Variants in TGFBR2 observed in about 807,000 individuals in gnomAD.
TGFBR2 encodes TGF-beta receptor type-2.
In TGFBR2, 18 loss-of-function variants were observed where a neutral mutation model predicts 49.0. The observed-to-expected ratio is 0.37, with a 90% CI of 0.25 to 0.54. The LOEUF (loss-of-function observed/expected upper bound fraction) is 0.54. TGFBR2 is among the 20% of genes least tolerant of loss of function. The pLI is 0.85. For missense variants in TGFBR2, 525 were observed against 722.6 expected (o/e 0.73, Z 3.13); for synonymous variants, 282 against 275.9 (o/e 1.02, Z -0.22).
intron 1 of TGFBR2, among the ~76,000 whole-genome samples, chr3:30,636,840 A>G (rs559548032): frequency 1.1e-4 from 16 of 151,966 alleles, no homozygotes; most frequent in South Asian, 6.2e-4. Flanking sequence ...CAAGGTGGGC[A>G]GATCACGAGG....
At chr3:30,627,047 A>G (rs1217664811) in intron 1 of TGFBR2, among the ~76,000 whole-genome samples, 1 of 152,150 alleles carries the variant, frequency 6.6e-6, no homozygotes, top group Admixed American at 6.5e-5. Flanking sequence ...TGATGGGAAG[A>G]TAGGAAATCC....
Position 30,650,478 on chromosome 3 carries a change from A to G in TGFBR2, c.454+18A>G. 6.2e-7 allele frequency: 1 copy of G among 1,613,506 alleles called. No homozygotes were observed. Among genetic ancestry groups the G allele is most frequent in the South Asian group, 1.1e-5 (1 of 91,050 alleles). On this transcript the variant is annotated intron_variant, in intron 3 of 6. Coordinates refer to ENST00000295754, the MANE Select transcript of TGFBR2 (RefSeq NM_003242.6). The stretch of plus-strand genomic sequence containing the variant: ...CTCAGAAGGTGAGTTTTCTTCTCTT[A>G]AGGGTGTGGGACCTGAGATCTGTGC...
chr3:30,659,926 T>C (rs1045331288), intron 3 of TGFBR2, among the ~76,000 whole-genome samples: 9 of 151,926 alleles, frequency 5.9e-5, no homozygotes, highest in Admixed American at 4.6e-4. Context: ...CACTGTGAAA[T>C]TGACTTTTAT....
chr3:30,616,248 C>G (rs111484102), intron 1 of TGFBR2, among the ~76,000 whole-genome samples: 3 of 152,276 alleles, frequency 2.0e-5, no homozygotes, highest in South Asian at 2.1e-4. Context: ...CTCCTTCCCC[C>G]CATTGCAAAC....
intron 6 of TGFBR2, among the ~76,000 whole-genome samples, chr3:30,690,080 A>G (rs1699686891): frequency 6.6e-6 from 1 of 152,136 alleles, no homozygotes; most frequent in African/African-American, 2.4e-5. Context: ...GTGTGTTTGG[A>G]AAGTTGTTGG....
intron 3 of TGFBR2, among the ~76,000 whole-genome samples, chr3:30,657,702 T>C (rs1465227534): frequency 6.6e-6 from 1 of 152,200 alleles, no homozygotes. Flanking sequence ...TATCTTTGCC[T>C]TTAGCTGGAT....
At chr3:30,683,982 C>T (rs1699578417) in intron 5 of TGFBR2, among the ~76,000 whole-genome samples, 1 of 152,190 alleles carries the variant, frequency 6.6e-6, no homozygotes, top group African/African-American at 2.4e-5. Context: ...ATCTTCCCTT[C>T]TTCTGCTGAG....
chr3:30,693,425 T>C lies in TGFBR2; in HGVS notation c.*1826T>C, dbSNP rs1474251185. 1 of 233,612 alleles carries C rather than the reference T, an allele frequency of 4.3e-6. No individual in the cohort carries two copies. The highest frequency in any genetic ancestry group is 8.5e-6 in the Non-Finnish European group (1 of 117,980). 14.5% of individuals were successfully genotyped at this position (233,612 alleles called of 1,614,324 possible). ...AAGTGTTAATGCTGCAAGTAATCTC[T>C]TTTTTAAAACTTTTTGAAGCTACTT... On this transcript the variant is annotated 3_prime_UTR_variant, in exon 7 of 7. Coordinates refer to ENST00000295754, the MANE Select transcript of TGFBR2 (RefSeq NM_003242.6).
chr3:30,657,673 C>T (rs1303326884), intron 3 of TGFBR2, among the ~76,000 whole-genome samples: 3 of 152,148 alleles, frequency 2.0e-5, no homozygotes, highest in African/African-American at 7.2e-5. Flanking sequence ...TATTACTGTT[C>T]CACTAGATTC....
At chr3:30,666,880 A>G (rs775423819) in intron 3 of TGFBR2, among the ~76,000 whole-genome samples, 5 of 152,010 alleles carry the variant, frequency 3.3e-5, no homozygotes, top group African/African-American at 4.8e-5. Flanking sequence ...TCCTAGGCTC[A>G]AGTGATTCTC....
In TGFBR2 at chr3:30,678,718, G is replaced by C. The variant is rs1229760731; in HGVS notation, c.1396+4472G>C. Among the ~76,000 whole-genome samples, 5 of 152,070 alleles carry C rather than the reference G, an allele frequency of 3.3e-5. No homozygotes were observed. In the East Asian group the frequency reaches 9.6e-4, roughly 29 times the overall value. The stretch of plus-strand genomic sequence containing the variant: ...GGATTTCTCGGGATGACTGCCATTG[G>C]TAATATGGATATAGCACCCCATCCT... On this transcript the variant is annotated intron_variant, in intron 5 of 6. Coordinates refer to ENST00000295754, the MANE Select transcript of TGFBR2 (RefSeq NM_003242.6).
chr3:30,681,572 T>C (rs1000415756), intron 5 of TGFBR2, among the ~76,000 whole-genome samples: 1 of 152,014 alleles, frequency 6.6e-6, no homozygotes, highest in Non-Finnish European at 1.5e-5. Context: ...CGGTTGCGGG[T>C]GGCTTCCATC....
chr3:30,667,092 G>A (rs768562555), intron 3 of TGFBR2, among the ~76,000 whole-genome samples: 3 of 152,138 alleles, frequency 2.0e-5, no homozygotes, highest in Non-Finnish European at 4.4e-5. Flanking sequence ...TACTTAAACT[G>A]TCTGATCTTT....
intron 3 of TGFBR2, among the ~76,000 whole-genome samples, chr3:30,663,098 T>C (rs557989002): frequency 1.3e-5 from 2 of 152,278 alleles, no homozygotes; most frequent in Admixed American, 6.5e-5. Context: ...GCCAACAAAA[T>C]TTTTAAAGGT....
intron 6 of TGFBR2, among the ~76,000 whole-genome samples, chr3:30,689,879 T>C (rs1699684499): frequency 6.6e-6 from 1 of 152,224 alleles, no homozygotes; most frequent in Non-Finnish European, 1.5e-5. Context: ...TGATTTCAAG[T>C]TAATGCTTAA....
intron 1 of TGFBR2, among the ~76,000 whole-genome samples, chr3:30,621,077 C>T (rs1223740520): frequency 6.6e-6 from 1 of 152,034 alleles, no homozygotes; most frequent in African/African-American, 2.4e-5. Flanking sequence ...GTCTAGGTAC[C>T]ACAAGTAGTG....
At chr3:30,633,790 A>C (rs1698479715) in intron 1 of TGFBR2, among the ~76,000 whole-genome samples, 1 of 152,192 alleles carries the variant, frequency 6.6e-6, no homozygotes, top group African/African-American at 2.4e-5. Context: ...TTATATTTTA[A>C]AAAGAAAAGA....
rs1699713773 is a variant in TGFBR2, at chr3:30,691,706, G to T, written c.*107G>T. On this transcript the variant is annotated 3_prime_UTR_variant, in exon 7 of 7. Transcript: ENST00000295754. ...ACTGATGCTTCCTGGAAAACCAAGGGGGTCACTCCCCTCCCTGTAAGCTGT... is the reference window on the plus strand; with the variant it reads ...ACTGATGCTTCCTGGAAAACCAAGGTGGTCACTCCCCTCCCTGTAAGCTGT... 7.7e-7 allele frequency: 1 copy of T among 1,301,004 alleles called. No individual in the cohort carries two copies. Among genetic ancestry groups the T allele is most frequent in the Non-Finnish European group, 1.1e-6 (1 of 902,616 alleles). The allele number at this position is 1,301,004 out of a possible 1,614,324, so 80.6% of individuals were successfully genotyped here.
chr3:30,606,521 G>T (rs560984752), upstream of TGFBR2: 28 of 261,442 alleles, frequency 1.1e-4, no homozygotes, highest in South Asian at 4.9e-3. Flanking sequence ...GAAGGCTCTC[G>T]GGCGGAGAGA....
Sources: gnomAD v4.1 joint callset for allele counts (sites outside exome capture counted in the v4.1 genomes callset) on GRCh38, gnomAD v4.1.1 for gene constraint, MANE v1.5 for transcripts, NCBI Gene and HGNC (gene_info 2026-07-23, HGNC 2026-07-21) for gene names.